The following EEFSEC variants were observed in gnomAD, a reference collection of about 807,000 sequenced individuals.
The protein encoded by EEFSEC is selenocysteine-specific elongation factor.
Under a neutral mutation model 42.1 loss-of-function variants are expected in EEFSEC, and 43 were observed. The observed-to-expected ratio is 1.02, with a 90% CI of 0.80 to 1.32. EEFSEC has a LOEUF of 1.32. Among genes scored for constraint, EEFSEC ranks in the 40% most tolerant of loss-of-function variants. The pLI is 0.00. For synonymous variants in EEFSEC, 354 were observed against 339.1 expected, an observed-to-expected ratio of 1.04 and a Z score of -0.48; for missense variants, 745 against 803.6, an observed-to-expected ratio of 0.93 and a Z score of 0.88.
chr3:128,324,694 T>C (rs1408498034), intron 4 of EEFSEC, among the ~76,000 whole-genome samples: 2 of 152,200 alleles, frequency 1.3e-5, no homozygotes, highest in African/African-American at 4.8e-5. Context: ...TGGGGCACAG[T>C]TGTAGGCCTA....
At chr3:128,367,185 T>C (rs2067600180) in intron 6 of EEFSEC, among the ~76,000 whole-genome samples, 1 of 152,212 alleles carries the variant, frequency 6.6e-6, no homozygotes, top group South Asian at 2.1e-4. Flanking sequence ...TGCCTCCAAA[T>C]ACAGTCCCAT....
chr3:128,339,642 C>T (rs561858670), intron 4 of EEFSEC, among the ~76,000 whole-genome samples: 1 of 152,232 alleles, frequency 6.6e-6, no homozygotes, highest in South Asian at 2.1e-4. Flanking sequence ...GATCAGGTTA[C>T]TCCTTTGCCT....
intron 5 of EEFSEC, among the ~76,000 whole-genome samples, chr3:128,343,759 T>C (rs1370119194): frequency 2.0e-5 from 3 of 152,168 alleles, no homozygotes; most frequent in African/African-American, 7.2e-5. Flanking sequence ...CAATGACTCA[T>C]GCCTCCGAAG....
chr3:128,282,523 C>T (rs1328878438), intron 4 of EEFSEC, among the ~76,000 whole-genome samples: 1 of 152,252 alleles, frequency 6.6e-6, no homozygotes, highest in Non-Finnish European at 1.5e-5. Flanking sequence ...TTGACACGCA[C>T]TGGAGCTGCT....
downstream of EEFSEC, among the ~76,000 whole-genome samples, chr3:128,410,027 T>G (rs943163570): frequency 6.6e-6 from 1 of 152,162 alleles, no homozygotes; most frequent in Non-Finnish European, 1.5e-5. Context: ...CAGGAGGGCT[T>G]CAGTCAGCAC....
At chr3:128,285,771 G>A (rs961558453) in intron 4 of EEFSEC, among the ~76,000 whole-genome samples, 1 of 152,078 alleles carries the variant, frequency 6.6e-6, no homozygotes, top group African/African-American at 2.4e-5. Flanking sequence ...TCCTGGAGCC[G>A]CCAGCACCCT....
intron 4 of EEFSEC, 104 bp downstream of exon 4, chr3:128,264,885 T>A: frequency 7.3e-7 from 1 of 1,376,134 alleles, no homozygotes; most frequent in African/African-American, 1.4e-5. Context: ...GTGCCTGCCC[T>A]GGGACTCCCA....
chr3:128,356,883 C>G (rs940388271), intron 5 of EEFSEC, among the ~76,000 whole-genome samples: 1 of 152,258 alleles, frequency 6.6e-6, no homozygotes, highest in Non-Finnish European at 1.5e-5. Flanking sequence ...ATCATCATCT[C>G]TAGAGGCTGT....
At chr3:128,183,818 T>TAAG (rs1189433444) in intron 1 of EEFSEC, among the ~76,000 whole-genome samples, 1 of 152,224 alleles carries the variant, frequency 6.6e-6, no homozygotes, top group Non-Finnish European at 1.5e-5. Context: ...TGGCTTGACA[T>TAAG]AAGTTGCTTT....
intron 6 of EEFSEC, among the ~76,000 whole-genome samples, chr3:128,375,913 C>A (rs748664186): frequency 5.3e-5 from 8 of 152,190 alleles, no homozygotes; most frequent in Non-Finnish European, 1.0e-4. Flanking sequence ...TTTATATGAA[C>A]ACCACCCTTT....
At chr3:128,280,124 T>A (rs1327339812) in intron 4 of EEFSEC, among the ~76,000 whole-genome samples, 2 of 152,220 alleles carry the variant, frequency 1.3e-5, no homozygotes, top group Non-Finnish European at 2.9e-5. Context: ...TCAATATGTA[T>A]GATTTGGTCC....
intron 6 of EEFSEC, among the ~76,000 whole-genome samples, chr3:128,369,459 G>A (rs561690670): frequency 1.8e-4 from 27 of 152,186 alleles, no homozygotes; most frequent in South Asian, 6.2e-4. Context: ...CTGTCCTTGG[G>A]ATTTCATTAG....
At chr3:128,200,375 G>A (rs767665598) in intron 1 of EEFSEC, among the ~76,000 whole-genome samples, 12 of 151,950 alleles carry the variant, frequency 7.9e-5, no homozygotes, top group Admixed American at 7.2e-4. Flanking sequence ...CGCAACCTCC[G>A]CCTCTCAGGT....
chr3:128,380,349 A>G (rs2067760243), intron 6 of EEFSEC, among the ~76,000 whole-genome samples: 1 of 152,220 alleles, frequency 6.6e-6, no homozygotes, highest in Non-Finnish European at 1.5e-5. Flanking sequence ...AAAAACTTTC[A>G]CCATACAGAG....
intron 2 of EEFSEC, among the ~76,000 whole-genome samples, chr3:128,261,108 G>A (rs940471893): frequency 2.1e-4 from 32 of 152,188 alleles, no homozygotes; most frequent in African/African-American, 7.5e-4. Context: ...CCATTGTCCA[G>A]GTGTCAACAA....
At chr3:128,407,771 G>A (rs966052982) in intron 6 of EEFSEC, among the ~76,000 whole-genome samples, 3 of 152,194 alleles carry the variant, frequency 2.0e-5, no homozygotes, top group Non-Finnish European at 2.9e-5. Context: ...GTTTCCAGAC[G>A]TGGACTTGGC....
At chr3:128,158,064 G>A (rs1292109441) in intron 1 of EEFSEC, among the ~76,000 whole-genome samples, 2 of 152,188 alleles carry the variant, frequency 1.3e-5, no homozygotes, top group Non-Finnish European at 2.9e-5. Context: ...CAACCCTCAT[G>A]GATGACTGAG....
chr3:128,212,244 T>C (rs755472946), intron 1 of EEFSEC, among the ~76,000 whole-genome samples: 2 of 152,200 alleles, frequency 1.3e-5, no homozygotes, highest in Non-Finnish European at 2.9e-5. Flanking sequence ...TTGGAGGCTG[T>C]GGGAGCCCCT....
intron 1 of EEFSEC, among the ~76,000 whole-genome samples, chr3:128,159,142 G>A (rs1375573420): frequency 1.3e-5 from 2 of 152,240 alleles, no homozygotes; most frequent in Non-Finnish European, 2.9e-5. Flanking sequence ...TCCCCATTGA[G>A]TGCCTGCTCG....
Sources: allele counts gnomAD v4.1 joint callset (sites outside exome capture counted in the v4.1 genomes callset), GRCh38; gene constraint gnomAD v4.1.1; transcripts MANE v1.5; gene names NCBI Gene and HGNC (gene_info 2026-07-23, HGNC 2026-07-21).